The following CPNE7 variants were observed in gnomAD, a reference collection of about 807,000 sequenced individuals.
CPNE7 encodes the protein copine 7.
Under a neutral mutation model 66.5 loss-of-function variants are expected in CPNE7, and 78 were observed. The observed-to-expected ratio is 1.17, with a 90% confidence interval of 0.98 to 1.42. The LOEUF is 1.42. Among genes scored for constraint, CPNE7 ranks in the 40% most tolerant of loss-of-function variants. CPNE7 has a pLI of 0.00. For synonymous variants in CPNE7, 468 were observed against 336.7 expected (o/e 1.39, Z -4.27); for missense variants, 1,012 against 776.6 (o/e 1.30, Z -3.60).
Position 89,584,674 on chromosome 16 carries a change from C to A in CPNE7, c.508-100C>A, listed in dbSNP as rs1177451089. 2.4e-6 allele frequency: 2 copies of A among 829,854 alleles called. No individual in the cohort carries two copies. Among genetic ancestry groups the A allele is most frequent in the Non-Finnish European group, 4.0e-6 (2 of 501,296 alleles). 51.4% of individuals were successfully genotyped at this position (829,854 alleles called of 1,614,324 possible). On this transcript the variant is annotated intron_variant, in intron 4 of 14. Transcript: ENST00000319518. This position sits in a 1 kb window ranked among gnomAD's most constrained non-coding sequence, Gnocchi z 6.0. ...CGTTTTGTGCCTGAGGAATTAGCGG[C>A]TGGTGGCATGAAGTGAGCCCTGGGA...
intron 9 of CPNE7, chr16:89,587,595 G>C (rs1597708240): frequency 3.5e-5 from 5 of 142,732 alleles, no homozygotes; most frequent in Non-Finnish European, 9.9e-5. Context: ...GAGCGTTTGA[G>C]TGAACCAGCC....
intron 2 of CPNE7, among the ~76,000 whole-genome samples, chr16:89,583,274 G>A (rs968721903): frequency 6.6e-6 from 1 of 152,154 alleles, no homozygotes; most frequent in African/African-American, 2.4e-5. Context: ...GGGGCCGTTT[G>A]AGCTGCCTCG....
Position 89,591,231 on chromosome 16 carries a change from G to C in CPNE7, c.1273G>C (p.Ala425Pro). ...CATCTCCAAGGTGGCACGCGTGGCG[G>C]CGGCCGAGGAGAGCACCGGGAAAGC... ...PIISKVARVAAAEESTGKASQ... is the reference protein window; with the variant it reads ...PIISKVARVAPAEESTGKASQ... The change falls in exon 13 of 15, where the codon GCG (alanine) becomes CCG (proline). Residue 425 changes from alanine (A) to proline (P), a missense_variant. Physicochemically the swap from Ala to Pro is conservative, Grantham distance 27. Coordinates refer to ENST00000319518, the MANE Select transcript of CPNE7 (RefSeq NM_153636.3). The C allele has an allele frequency of 6.3e-7, 1 of 1,587,310 alleles. No homozygotes were observed.
chr16:89,582,737 G>A (rs1217298561), intron 2 of CPNE7, among the ~76,000 whole-genome samples: 1 of 152,230 alleles, frequency 6.6e-6, no homozygotes, highest in Non-Finnish European at 1.5e-5. Flanking sequence ...GGTTGGGGGT[G>A]GAGGGACTGC....
chr16:89,577,728 G>A lies in CPNE7; in HGVS notation c.357+7G>A, dbSNP rs1412881309. 6.3e-7 allele frequency: 1 copy of A among 1,583,580 alleles called. No individual in the cohort carries two copies. Among genetic ancestry groups the A allele is most frequent in the Non-Finnish European group, 8.6e-7 (1 of 1,165,394 alleles). Reference sequence around the variant, plus strand: ...GGAGTGCACCCTGGGGCAGGTGGGTGCCCCGTCCCCTCGGAGGGAGGAGGA... The same window carrying A: ...GGAGTGCACCCTGGGGCAGGTGGGTACCCCGTCCCCTCGGAGGGAGGAGGA... On this transcript the variant is annotated splice_region_variant and intron_variant, in intron 2 of 14. Coordinates refer to ENST00000319518, the MANE Select transcript of CPNE7 (RefSeq NM_153636.3).
chr16:89,595,110 A>G (rs1305793061), intron 13 of CPNE7, among the ~76,000 whole-genome samples: 1 of 151,186 alleles, frequency 6.6e-6, no homozygotes, highest in Non-Finnish European at 1.5e-5. Flanking sequence ...ACTTCGTAGC[A>G]CCCCCTCCAC....
rs568580982 is a variant in CPNE7, at chr16:89,582,721, G to A, written c.358-976G>A. Among the ~76,000 whole-genome samples the A allele has an allele frequency of 5.3e-5, 8 of 152,356 alleles. No homozygotes were observed. The South Asian group carries it at 8.3e-4, about 16-fold the overall frequency. The stretch of plus-strand genomic sequence containing the variant: ...ATGCTCAGAAGCTGCTGGCCAGGCC[G>A]GCCCTGGTTGGGGGTGGAGGGACTG... On this transcript the variant is annotated intron_variant, in intron 2 of 14. Transcript: ENST00000319518.
At chr16:89,595,981 G>A (rs1229319842) in intron 14 of CPNE7, 1 of 496,888 alleles carries the variant, frequency 2.0e-6, no homozygotes, top group African/African-American at 2.1e-5. Flanking sequence ...TACCCGGTGA[G>A]ACGCACAGCA....
chr16:89,594,197 G>C (rs1032157945), intron 13 of CPNE7: 4 of 151,936 alleles, frequency 2.6e-5, no homozygotes, highest in African/African-American at 4.8e-5. Context: ...GTTGGCAGAG[G>C]GGGGTGGGGG....
chr16:89,591,411 G>T (rs2059167412), intron 13 of CPNE7, 151 bp downstream of exon 13: 2 of 1,112,896 alleles, frequency 1.8e-6, no homozygotes, highest in Non-Finnish European at 2.5e-6. Context: ...GGCCCAGCTG[G>T]TTGACTACGT....
At chr16:89,589,406 C>T (rs976052748) in intron 10 of CPNE7, among the ~76,000 whole-genome samples, 4 of 152,208 alleles carry the variant, frequency 2.6e-5, no homozygotes, top group Admixed American at 6.5e-5. Context: ...AATAGCAAAC[C>T]GAAGTCACAG....
In CPNE7 at chr16:89,575,850, G is replaced by A. The variant is rs965217924; in HGVS notation, c.-48G>A. 70 of 1,164,208 alleles carry A rather than the reference G, an allele frequency of 6.0e-5. No individual in the cohort carries two copies. The highest frequency in any genetic ancestry group is 3.5e-4 in the Middle Eastern group (1 of 2,860). The allele number at this position is 1,164,208 out of a possible 1,614,324, so 72.1% of individuals were successfully genotyped here. On this transcript the variant is annotated 5_prime_UTR_variant, in exon 1 of 15. Coordinates refer to ENST00000319518, the MANE Select transcript of CPNE7 (RefSeq NM_153636.3). ...GGCGCCGCGGCGGCGCCGACTCGCGGGCAGCGGCCCCTCAGTGCGCCCAGC... is the reference window on the plus strand; with the variant it reads ...GGCGCCGCGGCGGCGCCGACTCGCGAGCAGCGGCCCCTCAGTGCGCCCAGC...
At chr16:89,594,307 C>G (rs889412939) in intron 13 of CPNE7, 4 of 152,188 alleles carry the variant, frequency 2.6e-5, no homozygotes, top group Non-Finnish European at 5.9e-5. Context: ...TGCTTGTAGG[C>G]CTGGACCAGA....
At chr16:89,579,282 T>G (rs1419822002) in intron 2 of CPNE7, among the ~76,000 whole-genome samples, 1 of 151,146 alleles carries the variant, frequency 6.6e-6, no homozygotes, top group East Asian at 1.9e-4. Flanking sequence ...ACAGTGAGTC[T>G]TTGTCTCAAA....
intron 9 of CPNE7, among the ~76,000 whole-genome samples, chr16:89,588,202 A>AGCCGCGTGTCACCCACAGATACACGGCC: frequency 7.3e-5 from 1 of 13,754 alleles, no homozygotes; most frequent in African/African-American, 1.8e-4. Context: ...CCCCCGTGTC[A>AGCCGCGTGTCACCCACAGATACACGGCC]CCCGCGTGTC....
chr16:89,589,249 A>G (rs1251449476), intron 10 of CPNE7, among the ~76,000 whole-genome samples: 1 of 152,094 alleles, frequency 6.6e-6, no homozygotes, highest in African/African-American at 2.4e-5. Context: ...TCAAGATCAC[A>G]CCTTTGTACT....
intron 2 of CPNE7, 35 bp downstream of exon 2, chr16:89,577,756 G>C (rs762466550): frequency 6.4e-7 from 1 of 1,551,096 alleles, no homozygotes; most frequent in Admixed American, 1.9e-5. Flanking sequence ...GAGGAGGACG[G>C]TTGGCGTGGG....
In CPNE7 at chr16:89,584,726, G is replaced by C; in HGVS notation, c.508-48G>C. The C allele has an allele frequency of 6.9e-7, 1 of 1,442,650 alleles. No homozygotes were observed. The highest frequency in any genetic ancestry group is 9.7e-7 in the Non-Finnish European group (1 of 1,031,098). The allele number at this position is 1,442,650 out of a possible 1,614,324, so 89.4% of individuals were successfully genotyped here. A position where few individuals can be genotyped will look rare whatever the true frequency, so the allele number is the denominator to read the frequency against. On this transcript the variant is annotated intron_variant, in intron 4 of 14. Transcript: ENST00000319518. This position sits in a 1 kb window ranked among gnomAD's most constrained non-coding sequence, Gnocchi z 6.0. Reference sequence around the variant, plus strand: ...ACGACAAAGCCAGCTCCCATCCAAAGCCCGATCTCACAGTGCCTGGCCCAG... The same window carrying C: ...ACGACAAAGCCAGCTCCCATCCAAACCCCGATCTCACAGTGCCTGGCCCAG...
At chr16:89,577,428 A>G in intron 1 of CPNE7, 111 bp from the exon 2 acceptor site, 1 of 1,079,914 alleles carries the variant, frequency 9.3e-7, no homozygotes, top group Non-Finnish European at 1.3e-6. Context: ...TTCCCAGGGT[A>G]TGAGTCCTCC....
Sources: allele counts gnomAD v4.1 joint callset (sites outside exome capture counted in the v4.1 genomes callset), GRCh38; gene constraint gnomAD v4.1.1; non-coding constraint Gnocchi (gnomAD v3.1); transcripts MANE v1.5; gene names NCBI Gene and HGNC (gene_info 2026-07-23, HGNC 2026-07-21).